The following PCDHA6 variants were observed in gnomAD, a reference collection of about 807,000 sequenced individuals.
PCDHA6 encodes protocadherin alpha 6.
In PCDHA6, 55 loss-of-function variants were observed where a neutral mutation model predicts 60.3. The ratio of observed to expected loss-of-function variants is 0.91; its 90% CI spans 0.73 to 1.14. PCDHA6 has a LOEUF of 1.14. Among genes scored for constraint, PCDHA6 ranks in the 50% most tolerant of loss-of-function variants. PCDHA6 has a pLI of 0.00. For synonymous variants in PCDHA6, 652 were observed against 557.9 expected (o/e 1.17, Z -2.38); for missense variants, 1,327 against 1,256.5 (o/e 1.06, Z -0.85).
At chr5:140,970,773 T>G (rs1385909769) in intron 1 of PCDHA6, among the ~76,000 whole-genome samples, 1 of 152,240 alleles carries the variant, frequency 6.6e-6, no homozygotes, top group Non-Finnish European at 1.5e-5. Context: ...TTGCTGTACA[T>G]ACATATTGTA....
chr5:140,928,791 G>A, intron 1 of PCDHA6: 1 of 1,614,138 alleles, frequency 6.2e-7, no homozygotes, highest in South Asian at 1.1e-5. Flanking sequence ...TTAAGCAGAG[G>A]GTGGTGGTAG....
At chr5:140,852,808 C>G in intron 1 of PCDHA6, 1 of 975,820 alleles carries the variant, frequency 1.0e-6, no homozygotes, top group Non-Finnish European at 1.2e-6. Context: ...TCATTTGTCT[C>G]CCGCCCTAAG....
chr5:140,897,281 C>T lies in PCDHA6; in HGVS notation c.2394+66796C>T, dbSNP rs1583262674. On this transcript the variant is annotated intron_variant, in intron 1 of 3. Coordinates refer to ENST00000529310, the MANE Select transcript of PCDHA6 (RefSeq NM_018909.4). ...ATGTGCCATGCTGGTGTGCTGCACC[C>T]ATTAACTCGTCATTTAGCATTAGGT... Among the ~76,000 whole-genome samples, 6 of 151,664 alleles carry T rather than the reference C, an allele frequency of 4.0e-5. No homozygotes were observed. In the South Asian group the frequency reaches 1.2e-3, roughly 32 times the overall value.
rs200912451 is a variant in PCDHA6 at position 140,850,965 on chromosome 5, G to A, written c.2394+20480G>A. The A allele has an allele frequency of 1.1e-4, 159 of 1,464,076 alleles. 6 individuals are homozygous for A. The highest frequency in any genetic ancestry group is 1.3e-4 in the Non-Finnish European group (139 of 1,096,434). 90.7% of individuals were successfully genotyped at this position (1,464,076 alleles called of 1,614,324 possible). On this transcript the variant is annotated intron_variant, in intron 1 of 3. Transcript: ENST00000529310. The stretch of plus-strand genomic sequence containing the variant: ...ATATTATCGATTACTCCCAGGGGCC[G>A]TTCAAATAGTTTTATTCATTTTTCT...
intron 3 of PCDHA6, among the ~76,000 whole-genome samples, chr5:140,983,802 A>G (rs2097069375): frequency 6.6e-6 from 1 of 152,246 alleles, no homozygotes; most frequent in South Asian, 2.1e-4. Context: ...ATGTGTGTGT[A>G]AAAGGTTTTT....
At chr5:140,871,833 T>G (rs2053334975) in intron 1 of PCDHA6, among the ~76,000 whole-genome samples, 1 of 152,282 alleles carries the variant, frequency 6.6e-6, no homozygotes, top group African/African-American at 2.4e-5. Flanking sequence ...CCTTCATCTC[T>G]AAACTTCAAT....
chr5:140,884,155 C>T (rs781815602), intron 1 of PCDHA6: 1 of 1,613,430 alleles, frequency 6.2e-7, no homozygotes, highest in Non-Finnish European at 8.5e-7. Flanking sequence ...TGTACACTGG[C>T]GAGATCAGCA....
At chr5:140,877,959 T>C in intron 1 of PCDHA6, 2 of 1,325,332 alleles carry the variant, frequency 1.5e-6, no homozygotes, top group South Asian at 3.5e-5. Flanking sequence ...ATGTCTCATC[T>C]TTCTTGGTCA....
At chr5:140,857,588 G>A (rs2044704730) in intron 1 of PCDHA6, 2 of 1,596,484 alleles carry the variant, frequency 1.3e-6, no homozygotes, top group African/African-American at 1.3e-5. Flanking sequence ...CGCGGAGAGC[G>A]GCAAGGTGTA....
chr5:141,010,377 G>A lies in PCDHA6; in HGVS notation c.*440G>A. 1 of 1,444,554 alleles carries A rather than the reference G, an allele frequency of 6.9e-7. No individual in the cohort carries two copies. The highest frequency in any genetic ancestry group is 1.4e-5 in the South Asian group (1 of 71,996). The allele number at this position is 1,444,554 out of a possible 1,614,324, so 89.5% of individuals were successfully genotyped here. ...GGCTACCGCGGGTATGCGAGTGCCA[G>A]ATATTGGCTGAGACGAGCCAGCTTA... On this transcript the variant is annotated 3_prime_UTR_variant, in exon 4 of 4. Transcript: ENST00000529310.
chr5:140,862,448 C>A (rs2047370091), intron 1 of PCDHA6: 1 of 362,316 alleles, frequency 2.8e-6, no homozygotes. Flanking sequence ...TACTCCACAG[C>A]GCCCTGGACC....
intron 1 of PCDHA6, chr5:140,870,171 C>T: frequency 6.2e-7 from 1 of 1,614,140 alleles, no homozygotes; most frequent in East Asian, 2.2e-5. Context: ...CCTTGTCCCT[C>T]CCAGTACGAG....
chr5:140,857,567 G>A, intron 1 of PCDHA6: 1 of 1,596,986 alleles, frequency 6.3e-7, no homozygotes, highest in South Asian at 1.1e-5. Flanking sequence ...GTCGAGCTAC[G>A]TGTCGGTGCA....
intron 1 of PCDHA6, chr5:140,928,323 T>C: frequency 1.2e-6 from 2 of 1,614,178 alleles, no homozygotes; most frequent in Non-Finnish European, 1.7e-6. Context: ...TGGGGAAGAA[T>C]GGCCTTGTCT....
chr5:140,870,426 C>A (rs574302735), intron 1 of PCDHA6: 1 of 1,614,090 alleles, frequency 6.2e-7, no homozygotes, highest in Non-Finnish European at 8.5e-7. Context: ...CCAGGGTATC[C>A]GTGGAGGTGG....
At position 140,899,258 on chromosome 5, in the gene PCDHA6, T is replaced by C. The variant is rs1293804815; in HGVS notation, c.2394+68773T>C. On this transcript the variant is annotated intron_variant, in intron 1 of 3. Transcript: ENST00000529310. Reference sequence around the variant, plus strand: ...TAGGAGTGGTGAGAGAGGGCATCCCTGTCTTGTGGCAGTTTTCAAAGGGAA... The same window carrying C: ...TAGGAGTGGTGAGAGAGGGCATCCCCGTCTTGTGGCAGTTTTCAAAGGGAA... Among the ~76,000 whole-genome samples the C allele has an allele frequency of 3.7e-4, 56 of 152,282 alleles. No individual in the cohort carries two copies. In the South Asian group the frequency reaches 0.012, roughly 32 times the overall value.
chr5:140,851,152 C>A, intron 1 of PCDHA6: 2 of 1,305,064 alleles, frequency 1.5e-6, no homozygotes, highest in Non-Finnish European at 2.0e-6. Context: ...CATTGAATTT[C>A]TGATGCTATG....
chr5:140,911,223 G>A (rs1305979222), intron 1 of PCDHA6, among the ~76,000 whole-genome samples: 1 of 152,148 alleles, frequency 6.6e-6, no homozygotes, highest in Non-Finnish European at 1.5e-5. Flanking sequence ...TGAGAAAGCT[G>A]TTTCTTCTGG....
At chr5:140,906,750 T>C (rs782209238) in intron 1 of PCDHA6, among the ~76,000 whole-genome samples, 2 of 152,216 alleles carry the variant, frequency 1.3e-5, no homozygotes, top group Non-Finnish European at 2.9e-5. Flanking sequence ...ACACAGGGCA[T>C]GGTAATACTA....
Sources: allele counts gnomAD v4.1 joint callset (sites outside exome capture counted in the v4.1 genomes callset), GRCh38; gene constraint gnomAD v4.1.1; transcripts MANE v1.5; gene names NCBI Gene and HGNC (gene_info 2026-07-23, HGNC 2026-07-21).